JAK3: variants seen among roughly 807,000 people sequenced by gnomAD.
The protein encoded by JAK3 is tyrosine-protein kinase JAK3.
In JAK3, 88 loss-of-function variants were observed where a neutral mutation model predicts 120.8. The observed-to-expected ratio is 0.73, with a 90% CI of 0.61 to 0.87. JAK3 has a LOEUF of 0.87. JAK3 is among the 40% of genes least tolerant of loss of function. The pLI is 0.00. For missense variants in JAK3, 1,254 were observed against 1,501.4 expected (o/e 0.84, Z 2.72); for synonymous variants, 592 against 628.6 (o/e 0.94, Z 0.87).
chr19:17,842,916 AC>A lies in JAK3; in HGVS notation c.566+110del. 6.8e-7 allele frequency: 1 copy of A among 1,464,616 alleles called. No individual in the cohort carries two copies. The highest frequency in any genetic ancestry group is 2.4e-4 in the Middle Eastern group (1 of 4,246). The allele number at this position is 1,464,616 out of a possible 1,614,324, so 90.7% of individuals were successfully genotyped here. A position where few individuals can be genotyped will look rare whatever the true frequency, so the allele number is the denominator to read the frequency against. Reference sequence around the variant, plus strand: ...GTGGGAGGCCCTGGGTCATAGGAACACCCTGAAAGCTTGCAGGAGAACTCCA... The same window carrying A: ...GTGGGAGGCCCTGGGTCATAGGAACACCTGAAAGCTTGCAGGAGAACTCCA... On this transcript the variant is annotated intron_variant, in intron 5 of 23. Transcript: ENST00000458235. The surrounding 1 kb of genome is among the most constrained non-coding windows in gnomAD (Gnocchi z 6.4).
chr19:17,826,568 A>T lies in JAK3; in HGVS notation c.*175T>A. On this transcript the variant is annotated 3_prime_UTR_variant, in exon 24 of 24. Transcript: ENST00000458235. ...TCTGTCTTGAACCTTAACAAATTGCAAAGGCCACAGGCTATTCTACAGGCC... is the reference window on the plus strand; with the variant it reads ...TCTGTCTTGAACCTTAACAAATTGCTAAGGCCACAGGCTATTCTACAGGCC... The T allele has an allele frequency of 1.4e-6, 1 of 707,538 alleles. No homozygotes were observed. Among genetic ancestry groups the T allele is most frequent in the Non-Finnish European group, 2.5e-6 (1 of 395,024 alleles). 43.8% of individuals were successfully genotyped at this position (707,538 alleles called of 1,614,324 possible). A position where few individuals can be genotyped will look rare whatever the true frequency, so the allele number is the denominator to read the frequency against.
chr19:17,838,733 T>TTTG (rs398034136), intron 10 of JAK3, among the ~76,000 whole-genome samples: 48 of 137,394 alleles, frequency 3.5e-4, no homozygotes, highest in South Asian at 1.6e-3. Flanking sequence ...TTTTTTTTTT[T>TTTG]GAGACAGAGT....
chr19:17,843,061 C>G lies in JAK3; in HGVS notation c.532G>C (p.Ala178Pro), dbSNP rs759903379. The stretch of plus-strand genomic sequence containing the variant: ...TTCAGCAGCTCTCCCGGCCGCTGGG[C>G]CTGCTCTCGCGCCATCCGGGCCAGG... ...LDLARMAREQ[A>P]QRPGELLKTV... Residue 178 changes from alanine (A) to proline (P), a missense_variant, in exon 5 of 24, where the codon GCC becomes CCC. By Grantham distance (27) the Ala-to-Pro change is conservative (BLOSUM62 -1). Transcript: ENST00000458235. The surrounding 1 kb of genome is among the most constrained non-coding windows in gnomAD (Gnocchi z 5.4). 6.2e-7 allele frequency: 1 copy of G among 1,610,750 alleles called. No homozygotes were observed. The highest frequency in any genetic ancestry group is 8.5e-7 in the Non-Finnish European group (1 of 1,179,934).
Position 17,841,908 on chromosome 19 carries a change from A to C in JAK3, c.862-146T>G. Reference sequence around the variant, plus strand: ...GCCGCGCCCCCTCCTATCAACTCCAACCTCTCAACACCTCCCCTACCCATC... The same window carrying C: ...GCCGCGCCCCCTCCTATCAACTCCACCCTCTCAACACCTCCCCTACCCATC... On this transcript the variant is annotated intron_variant, in intron 6 of 23. Coordinates refer to ENST00000458235, the MANE Select transcript of JAK3 (RefSeq NM_000215.4). The surrounding 1 kb of genome is among the most constrained non-coding windows in gnomAD (Gnocchi z 4.1). 1.0e-6 allele frequency: 1 copy of C among 981,540 alleles called. No homozygotes were observed. Among genetic ancestry groups the C allele is most frequent in the Non-Finnish European group, 1.5e-6 (1 of 663,770 alleles). The allele number at this position is 981,540 out of a possible 1,614,324, so 60.8% of individuals were successfully genotyped here.
At position 17,830,119 on chromosome 19, in the gene JAK3, AGGCAGGAGGCGCC is replaced by A; in HGVS notation, c.3183_3195del (p.Pro1063LeufsTer8). 1 of 1,580,318 alleles carries A rather than the reference AGGCAGGAGGCGCC, an allele frequency of 6.3e-7. No homozygotes were observed. Among genetic ancestry groups the A allele is most frequent in the Non-Finnish European group, 8.6e-7 (1 of 1,164,268 alleles). ...CCTGCGGCGCTCACCTCAGCAGGGC[AGGCAGGAGGCGCC>A]GGCAGCCTCTGGCCCTCCTCCAGCA... is the stretch of plus-strand genomic sequence containing the variant. On this transcript the variant is annotated frameshift_variant, in exon 23 of 24. Coordinates refer to ENST00000458235, the MANE Select transcript of JAK3 (RefSeq NM_000215.4). LOFTEE classifies it low-confidence loss of function (END_TRUNC).
At chr19:17,837,358 C>G (rs541257497) in intron 12 of JAK3, 145 bp from the exon 13 acceptor site, 22 of 702,866 alleles carry the variant, frequency 3.1e-5, no homozygotes, top group Middle Eastern at 3.6e-4. Context: ...GCACACAGCA[C>G]TACCATGATT....
chr19:17,825,063 G>A lies in JAK3; in HGVS notation c.*1680C>T, dbSNP rs1405242671. ...GTGGCAGAAAAGCTTTGCAGGTGAG[G>A]AGGAGCAGCAGAAGCTTAACCTGCA... On this transcript the variant is annotated 3_prime_UTR_variant, in exon 24 of 24. Transcript: ENST00000458235. 4.4e-6 allele frequency: 1 copy of A among 228,722 alleles called. No homozygotes were observed. Among genetic ancestry groups the A allele is most frequent in the Non-Finnish European group, 8.7e-6 (1 of 115,344 alleles). 14.2% of individuals were successfully genotyped at this position (228,722 alleles called of 1,614,324 possible). A position where few individuals can be genotyped will look rare whatever the true frequency, so the allele number is the denominator to read the frequency against.
intron 10 of JAK3, among the ~76,000 whole-genome samples, chr19:17,838,712 ATT>A (rs35486965): frequency 0.023 from 2,239 of 99,212 alleles, 44 homozygotes; most frequent in African/African-American, 0.079. Context: ...TGCCCGGCTA[ATT>A]TTTTTTTTTT....
Position 17,826,650 on chromosome 19 carries a change from A to C in JAK3, c.*93T>G. 1.4e-6 allele frequency: 2 copies of C among 1,392,778 alleles called. No homozygotes were observed. Among genetic ancestry groups the C allele is most frequent in the Non-Finnish European group, 2.0e-6 (2 of 978,940 alleles). The allele number at this position is 1,392,778 out of a possible 1,614,324, so 86.3% of individuals were successfully genotyped here. A position where few individuals can be genotyped will look rare whatever the true frequency, so the allele number is the denominator to read the frequency against. ...GGTGTTCCTGAAGTAGAGGACCCTCATAAGGCCTCTGAGGCCCAGAGAGGG... is the reference window on the plus strand; with the variant it reads ...GGTGTTCCTGAAGTAGAGGACCCTCCTAAGGCCTCTGAGGCCCAGAGAGGG... On this transcript the variant is annotated 3_prime_UTR_variant, in exon 24 of 24. Transcript: ENST00000458235.
Position 17,844,413 on chromosome 19 carries a change from G to A in JAK3, c.5C>T (p.Ala2Val), listed in dbSNP as rs1568408509. 1 of 1,609,654 alleles carries A rather than the reference G, an allele frequency of 6.2e-7. No individual in the cohort carries two copies. Among genetic ancestry groups the A allele is most frequent in the Non-Finnish European group, 8.5e-7 (1 of 1,178,590 alleles). MAPPSEETPLIP... is the reference protein window; with the variant it reads MVPPSEETPLIP... ...CAGGGGCGTCTCTTCACTTGGAGGT[G>A]CCATGAGTGCAACTTGCCTGGGGCA... Residue 2 changes from alanine (A) to valine (V), a missense_variant, in exon 2 of 24, where the codon GCA (alanine) becomes GTA (valine). Coordinates refer to ENST00000458235, the MANE Select transcript of JAK3 (RefSeq NM_000215.4).
rs3212800 is a variant in JAK3 at position 17,826,605 on chromosome 19, C to T, written c.*138G>A. On this transcript the variant is annotated 3_prime_UTR_variant, in exon 24 of 24. Coordinates refer to ENST00000458235, the MANE Select transcript of JAK3 (RefSeq NM_000215.4). The stretch of plus-strand genomic sequence containing the variant: ...CTATTCTACAGGCCACGGGAGCCCC[C>T]CCAAATGCAATGTCATGGGGGTGTT... The T allele has an allele frequency of 5.6e-5, 54 of 960,056 alleles. No homozygotes were observed. Among genetic ancestry groups the T allele is most frequent in the Non-Finnish European group, 8.6e-5 (51 of 590,746 alleles). The allele number at this position is 960,056 out of a possible 1,614,324, so 59.5% of individuals were successfully genotyped here.
Position 17,844,743 on chromosome 19 carries a change from G to C in JAK3, c.-13-313C>G, listed in dbSNP as rs1018903432. ...ACCTGGGAGGCAGAGGTTGCAGTGA[G>C]CCAAGATTGTACCACTGCACTCCAG... On this transcript the variant is annotated intron_variant, in intron 1 of 23. Coordinates refer to ENST00000458235, the MANE Select transcript of JAK3 (RefSeq NM_000215.4). 6.0e-5 allele frequency among the ~76,000 whole-genome samples: 9 copies of C among 149,910 alleles called. No homozygotes were observed. The Admixed American group carries it at 6.0e-4, about 10-fold the overall frequency.
At position 17,842,491 on chromosome 19, in the gene JAK3, G is replaced by C; in HGVS notation, c.686C>G (p.Ala229Gly). 6.3e-7 allele frequency: 1 copy of C among 1,599,620 alleles called. No individual in the cohort carries two copies. ...RALRRVAACQ[A>G]DRHSLMAKYI... Reference sequence around the variant, plus strand: ...CTTGGCCATGAGCGAGTGCCGGTCTGCCTGGCAGGCGGCCACGCGGCGCAG... The same window carrying C: ...CTTGGCCATGAGCGAGTGCCGGTCTCCCTGGCAGGCGGCCACGCGGCGCAG... Residue 229 changes from alanine (A) to glycine (G), a missense_variant, in exon 6 of 24, where the codon GCA (alanine) becomes GGA (glycine). Coordinates refer to ENST00000458235, the MANE Select transcript of JAK3 (RefSeq NM_000215.4). This position sits in a 1 kb window ranked among gnomAD's most constrained non-coding sequence, Gnocchi z 6.4.
In JAK3 at chr19:17,834,720, T is replaced by A; in HGVS notation, c.2201A>T (p.Lys734Ile). The A allele has an allele frequency of 6.2e-7, 1 of 1,613,998 alleles. No homozygotes were observed. Among genetic ancestry groups the A allele is most frequent in the Non-Finnish European group, 8.5e-7 (1 of 1,180,004 alleles). Residue 734 changes from lysine (K) to isoleucine (I), a missense_variant and splice_region_variant, in exon 17 of 24, where the codon AAA becomes ATA. By Grantham distance (102) the Lys-to-Ile change is moderately radical. Transcript: ENST00000458235. ...MPISALDPAKKLQFYEDRQQL... is the reference protein window; with the variant it reads ...MPISALDPAKILQFYEDRQQL... ...CTGCCGGTCCTCATAAAATTGGAGTTTCTGAGGGTGAGAGGAGCAGTCGGT... is the reference window on the plus strand; with the variant it reads ...CTGCCGGTCCTCATAAAATTGGAGTATCTGAGGGTGAGAGGAGCAGTCGGT...
In JAK3 at chr19:17,843,240, A is replaced by AC. The variant is rs947512967; in HGVS notation, c.421-69dup. The AC allele has an allele frequency of 8.0e-5, 125 of 1,555,476 alleles. No homozygotes were observed. Among genetic ancestry groups the AC allele is most frequent in the African/African-American group, 7.7e-4 (56 of 73,070 alleles). On this transcript the variant is annotated intron_variant, in intron 4 of 23. Coordinates refer to ENST00000458235, the MANE Select transcript of JAK3 (RefSeq NM_000215.4). This position sits in a 1 kb window ranked among gnomAD's most constrained non-coding sequence, Gnocchi z 5.4. ...TTCAAGCCCTGTTGTTAACCTGCAG[A>AC]CCCCCCCAATCCTGGGCTGACCCCC...
In JAK3 at chr19:17,841,431, C is replaced by T. The variant is rs1306182610; in HGVS notation, c.1100G>A (p.Arg367Lys). 1 of 1,553,988 alleles carries T rather than the reference C, an allele frequency of 6.4e-7. No individual in the cohort carries two copies. Among genetic ancestry groups the T allele is most frequent in the African/African-American group, 1.4e-5 (1 of 73,416 alleles). Residue 367 changes from arginine to lysine, a missense_variant, in exon 8 of 24, where the codon AGG (arginine) becomes AAG (lysine). By Grantham distance (26) the Arg-to-Lys change is conservative. Transcript: ENST00000458235. The surrounding 1 kb of genome is among the most constrained non-coding windows in gnomAD (Gnocchi z 4.1). ...HFFCKEVAPP[R>K]LLEEVAEQCH... ...CTGCTCGGCCACTTCCTCCAGCAGCCTCGGCGGTGCCACCTCCTTGCAGAA... is the reference window on the plus strand; with the variant it reads ...CTGCTCGGCCACTTCCTCCAGCAGCTTCGGCGGTGCCACCTCCTTGCAGAA...
chr19:17,829,966 A>G (rs1046172577), intron 23 of JAK3, 142 bp downstream of exon 23: 2 of 706,238 alleles, frequency 2.8e-6, no homozygotes, highest in African/African-American at 3.5e-5. Flanking sequence ...GTGAGAGAGT[A>G]GCCAAGTGGG....
rs1428860124 is a variant in JAK3, at chr19:17,832,477, G to C, written c.2680+42C>G. ...AGGGTAAGAATGTGCACTTTGAAAAGCACCCATACGTCTTGGTTCACTCAT... is the reference window on the plus strand; with the variant it reads ...AGGGTAAGAATGTGCACTTTGAAAACCACCCATACGTCTTGGTTCACTCAT... On this transcript the variant is annotated intron_variant, in intron 19 of 23. Coordinates refer to ENST00000458235, the MANE Select transcript of JAK3 (RefSeq NM_000215.4). This position sits in a 1 kb window ranked among gnomAD's most constrained non-coding sequence, Gnocchi z 4.7. 1.1e-5 allele frequency: 17 copies of C among 1,599,864 alleles called. No homozygotes were observed. Among genetic ancestry groups the C allele is most frequent in the South Asian group, 4.4e-5 (4 of 90,796 alleles).
chr19:17,831,702 A>G lies in JAK3; in HGVS notation c.2777T>C (p.Leu926Pro). 6.2e-7 allele frequency: 1 copy of G among 1,610,310 alleles called. No homozygotes were observed. Among genetic ancestry groups the G allele is most frequent in the Non-Finnish European group, 8.5e-7 (1 of 1,178,910 alleles). The change falls in exon 20 of 24, where the codon CTC (leucine) becomes CCC (proline). Residue 926 changes from leucine to proline, a missense_variant. Leu to Pro is a moderately conservative substitution (Grantham distance 98). Coordinates refer to ENST00000458235, the MANE Select transcript of JAK3 (RefSeq NM_000215.4). This position sits in a 1 kb window ranked among gnomAD's most constrained non-coding sequence, Gnocchi z 5.1. The part of the protein sequence containing the change: ...RHRARLDASR[L>P]LLYSSQICKG... ...GCAGATCTGCGAGGAATAGAGAAGGAGGCGGCTGGCATCGAGGCGCGCGCG... is the reference window on the plus strand; with the variant it reads ...GCAGATCTGCGAGGAATAGAGAAGGGGGCGGCTGGCATCGAGGCGCGCGCG...
Sources: gnomAD v4.1 joint callset for allele counts (sites outside exome capture counted in the v4.1 genomes callset) on GRCh38, gnomAD v4.1.1 for gene constraint, Gnocchi (gnomAD v3.1) non-coding constraint, MANE v1.5 for transcripts, NCBI Gene and HGNC (gene_info 2026-07-23, HGNC 2026-07-21) for gene names.